PIK3CB: variants seen among roughly 807,000 people sequenced by gnomAD.
PIK3CB encodes the protein phosphatidylinositol 4,5-bisphosphate 3-kinase catalytic subunit beta isoform.
Under a neutral mutation model 136.8 loss-of-function variants are expected in PIK3CB, and 39 were observed. The ratio of observed to expected loss-of-function variants is 0.29; its 90% CI spans 0.22 to 0.37. The LOEUF (loss-of-function observed/expected upper bound fraction) is 0.37, where lower values mean the gene tolerates loss of function less well. PIK3CB is among the 10% of genes least tolerant of loss of function. The pLI, the probability that PIK3CB is intolerant of heterozygous loss-of-function variation, is 1.00. For missense variants in PIK3CB, 868 were observed against 1,275.4 expected (o/e 0.68, Z 4.87); for synonymous variants, 428 against 436.6 (o/e 0.98, Z 0.25).
At chr3:138,765,894 A>C (rs2045727008) in intron 2 of PIK3CB, among the ~76,000 whole-genome samples, 1 of 152,162 alleles carries the variant, frequency 6.6e-6, no homozygotes, top group African/African-American at 2.4e-5. Flanking sequence ...AGTTGAAATT[A>C]CTTAACTCAG....
rs188829347 is a variant in PIK3CB at position 138,731,344 on chromosome 3, C to T, written c.1050+2017G>A. Among the ~76,000 whole-genome samples, 658 of 152,038 alleles carry T rather than the reference C, an allele frequency of 4.3e-3. 7 individuals are homozygous for T. The Middle Eastern group carries it at 0.044, about 10-fold the overall frequency. ...TCAGCTCAGGGGCAGCCTCGACCTC[C>T]CAGGCTCCAGCGATCCTCCCACCTC... On this transcript the variant is annotated intron_variant, in intron 8 of 23. Transcript: ENST00000674063.
intron 2 of PIK3CB, among the ~76,000 whole-genome samples, chr3:138,773,500 C>T (rs2045824090): frequency 6.6e-6 from 1 of 151,842 alleles, no homozygotes; most frequent in African/African-American, 2.4e-5. Flanking sequence ...ACTAAAAGGG[C>T]TGATGAAAAA....
chr3:138,723,440 A>G (rs1371784724), intron 8 of PIK3CB, among the ~76,000 whole-genome samples: 2 of 152,036 alleles, frequency 1.3e-5, no homozygotes, highest in Admixed American at 6.6e-5. Context: ...GATCCCAGCT[A>G]CTCAGGAGGC....
chr3:138,805,790 C>T (rs1351401630), intron 1 of PIK3CB, among the ~76,000 whole-genome samples: 1 of 151,768 alleles, frequency 6.6e-6, no homozygotes, highest in Non-Finnish European at 1.5e-5. Context: ...AGTGCAGTGG[C>T]GCAATCTCGG....
intron 1 of PIK3CB, among the ~76,000 whole-genome samples, chr3:138,806,995 T>C (rs2046241291): frequency 2.6e-5 from 4 of 152,240 alleles, no homozygotes; most frequent in Admixed American, 2.0e-4. Flanking sequence ...ATTATATGCA[T>C]ACATATGGAT....
rs541312929 is a variant in PIK3CB at position 138,663,217 on chromosome 3, AAAAC to A, written c.2796+685_2796+688del. ...TGAACTCAAACAAATTTACAAGAAAAAAACAAACAACCCCATCAAAAAGTGGGCA... is the reference window on the plus strand; with the variant it reads ...TGAACTCAAACAAATTTACAAGAAAAAAACAACCCCATCAAAAAGTGGGCA... On this transcript the variant is annotated intron_variant, in intron 21 of 23. Transcript: ENST00000674063. Among the ~76,000 whole-genome samples, 7 of 152,318 alleles carry A rather than the reference AAAAC, an allele frequency of 4.6e-5. No homozygotes were observed. In the South Asian group the frequency reaches 1.2e-3, roughly 27 times the overall value.
chr3:138,796,948 T>G (rs2046115318), intron 1 of PIK3CB: 1 of 152,290 alleles, frequency 6.6e-6, no homozygotes. Flanking sequence ...GATATCCGCA[T>G]GCTACCCACC....
intron 1 of PIK3CB, among the ~76,000 whole-genome samples, chr3:138,832,157 GT>G (rs1934065229): frequency 6.6e-6 from 1 of 152,102 alleles, no homozygotes; most frequent in Admixed American, 6.6e-5. Context: ...TTTCCATATA[GT>G]TGGCTGACAT....
chr3:138,704,789 A>T (rs1251492863), intron 11 of PIK3CB, among the ~76,000 whole-genome samples: 2 of 152,150 alleles, frequency 1.3e-5, no homozygotes, highest in East Asian at 3.8e-4. Context: ...AAGTATAAGT[A>T]AATGTATTCT....
chr3:138,686,091 C>T (rs555314759), intron 16 of PIK3CB, among the ~76,000 whole-genome samples: 3 of 151,898 alleles, frequency 2.0e-5, no homozygotes, highest in Admixed American at 6.6e-5. Flanking sequence ...GAGCCAAGAT[C>T]GTACCACTAC....
At chr3:138,780,265 GTTTTTTTGT>G (rs976071502) in intron 2 of PIK3CB, among the ~76,000 whole-genome samples, 11 of 151,408 alleles carry the variant, frequency 7.3e-5, no homozygotes, top group African/African-American at 2.4e-4. Flanking sequence ...ACTAACTTTT[GTTTTTTTGT>G]TTTTTTTGTT....
At chr3:138,755,711 GATATATT>G (rs775144477) in intron 4 of PIK3CB, 36 bp downstream of exon 4, 2 of 878,114 alleles carry the variant, frequency 2.3e-6, no homozygotes, top group Non-Finnish European at 3.6e-6. Context: ...TATATAAATA[GATATATT>G]AAGAATTTGT....
chr3:138,732,623 C>T (rs552928803), intron 8 of PIK3CB, among the ~76,000 whole-genome samples: 1 of 151,152 alleles, frequency 6.6e-6, no homozygotes, highest in African/African-American at 2.4e-5. Context: ...AATAAACCCC[C>T]ATGTGTTAAC....
chr3:138,712,442 A>G, intron 9 of PIK3CB, 138 bp from the exon 10 acceptor site: 1 of 437,564 alleles, frequency 2.3e-6, no homozygotes, highest in Non-Finnish European at 4.0e-6. Flanking sequence ...AATGAGAACA[A>G]GATATACATA....
At chr3:138,666,895 T>C (rs1450223577) in intron 19 of PIK3CB, among the ~76,000 whole-genome samples, 1 of 152,094 alleles carries the variant, frequency 6.6e-6, no homozygotes, top group African/African-American at 2.4e-5. Flanking sequence ...CAGGAGAACA[T>C]GGCAGGAGTC....
At chr3:138,710,294 A>C (rs193136564) in intron 10 of PIK3CB, among the ~76,000 whole-genome samples, 1 of 151,666 alleles carries the variant, frequency 6.6e-6, no homozygotes, top group Non-Finnish European at 1.5e-5. Flanking sequence ...AGAGGATAGG[A>C]ATAGAAGGAC....
intron 1 of PIK3CB, among the ~76,000 whole-genome samples, chr3:138,831,364 G>A (rs867888703): frequency 5.9e-5 from 9 of 151,644 alleles, no homozygotes; most frequent in Middle Eastern, 3.5e-3. Context: ...AGGCCGAGGC[G>A]GCCAGATCAC....
At chr3:138,680,101 T>C (rs186012314) in intron 19 of PIK3CB, among the ~76,000 whole-genome samples, 1 of 152,244 alleles carries the variant, frequency 6.6e-6, no homozygotes, top group Admixed American at 6.5e-5. Context: ...GACTCACGCC[T>C]GTAATTCCAG....
chr3:138,664,244 G>A (rs372371923), intron 20 of PIK3CB, among the ~76,000 whole-genome samples: 2 of 152,032 alleles, frequency 1.3e-5, no homozygotes, highest in Non-Finnish European at 2.9e-5. Flanking sequence ...TTAAATAACT[G>A]GGCCTTAGAT....
Sources: gnomAD v4.1 joint callset for allele counts (sites outside exome capture counted in the v4.1 genomes callset) on GRCh38, gnomAD v4.1.1 for gene constraint, MANE v1.5 for transcripts, NCBI Gene and HGNC (gene_info 2026-07-23, HGNC 2026-07-21) for gene names.